PCDH15: variants seen among roughly 807,000 people sequenced by gnomAD.
PCDH15 encodes the protein protocadherin related 15, also known as protocadherin-15.
PCDH15 carries 129 observed loss-of-function variants against 178.5 expected under a neutral mutation model. That is an observed-to-expected ratio of 0.72 (90% CI 0.63 to 0.84). PCDH15 has a LOEUF of 0.84. Among genes scored for constraint, PCDH15 ranks in the 40% least tolerant of loss-of-function variants. The pLI, the probability that PCDH15 is intolerant of heterozygous loss-of-function variation, is 0.00. For missense variants in PCDH15, 2,230 were observed against 2,099.9 expected, an observed-to-expected ratio of 1.06 and a Z score of -1.21; for synonymous variants, 800 against 732.0, an observed-to-expected ratio of 1.09 and a Z score of -1.50.
At position 54,571,033 on chromosome 10, in the gene PCDH15, C is replaced by A. The variant is rs1053956613; in HGVS notation, c.92-43156G>T. On this transcript the variant is annotated intron_variant, in intron 2 of 37. Transcript: ENST00000644397. ...AGGTTTGACCTTGGATTGTGTGTAT[C>A]CAAAGTGAGGCAAAAGCCACCAGAA... Among the ~76,000 whole-genome samples the A allele has an allele frequency of 2.6e-5, 4 of 151,826 alleles. No homozygotes were observed. The East Asian group carries it at 7.8e-4, about 29-fold the overall frequency.
At chr10:55,254,209 A>G (rs1841925595) in intron 1 of PCDH15, among the ~76,000 whole-genome samples, 1 of 152,180 alleles carries the variant, frequency 6.6e-6, no homozygotes, top group Admixed American at 6.5e-5. Flanking sequence ...TATGTCTAAA[A>G]CCAATAGTTA....
intron 2 of PCDH15, among the ~76,000 whole-genome samples, chr10:55,384,083 G>A (rs1837598136): frequency 6.6e-6 from 1 of 152,110 alleles, no homozygotes; most frequent in Non-Finnish European, 1.5e-5. Context: ...ATGATGCATT[G>A]ACTTGTTTAC....
In PCDH15 at chr10:54,807,402, A is replaced by C. The variant is rs542979242; in HGVS notation, c.-29+90048T>G. 1.2e-3 allele frequency among the ~76,000 whole-genome samples: 186 copies of C among 152,270 alleles called. 1 individual carries two copies. Among genetic ancestry groups the C allele is most frequent in the African/African-American group, 4.3e-3 (178 of 41,578 alleles). On this transcript the variant is annotated intron_variant, in intron 3 of 5. Coordinates refer to the PCDH15 transcript ENST00000458638. ...TTGTGAAAAATATTTCCAAAAATAAACCAAAATAAGTATTAAAAGAATCTC... is the reference window on the plus strand; with the variant it reads ...TTGTGAAAAATATTTCCAAAAATAACCCAAAATAAGTATTAAAAGAATCTC...
chr10:54,208,923 T>A (rs892874439), intron 10 of PCDH15, among the ~76,000 whole-genome samples: 5 of 152,036 alleles, frequency 3.3e-5, no homozygotes, highest in Admixed American at 1.3e-4. Context: ...ATGGACCCTG[T>A]TCAACCTCAC....
At chr10:54,740,394 T>C (rs1944627127) in intron 1 of PCDH15, among the ~76,000 whole-genome samples, 3 of 151,502 alleles carry the variant, frequency 2.0e-5, no homozygotes, top group African/African-American at 7.3e-5. Flanking sequence ...GATGAGAATG[T>C]AGAAAAATGT....
chr10:55,314,132 T>A (rs372210528), intron 1 of PCDH15, among the ~76,000 whole-genome samples: 11 of 150,146 alleles, frequency 7.3e-5, no homozygotes, highest in African/African-American at 2.2e-4. Flanking sequence ...ATCTACTTTG[T>A]TCTATGTAGA....
chr10:55,278,513 C>T (rs1428316945), intron 1 of PCDH15, among the ~76,000 whole-genome samples: 1 of 152,062 alleles, frequency 6.6e-6, no homozygotes, highest in Non-Finnish European at 1.5e-5. Context: ...GCATGAGCCA[C>T]CACATCTGGC....
intron 2 of PCDH15, chr10:54,600,344 G>A (rs2092464916): frequency 1.9e-6 from 1 of 539,074 alleles, no homozygotes; most frequent in Non-Finnish European, 3.7e-6. Flanking sequence ...GCTGTCAATG[G>A]AGAGGTAGAA....
chr10:54,440,137 G>T (rs1393990686), intron 3 of PCDH15, among the ~76,000 whole-genome samples: 2 of 151,996 alleles, frequency 1.3e-5, no homozygotes, highest in African/African-American at 4.8e-5. Context: ...TTATAGATTA[G>T]CAACCAGATG....
At position 53,959,855 on chromosome 10, in the gene PCDH15, A is replaced by C. The variant is rs1192805572; in HGVS notation, c.3010-11T>G. 1.2e-6 allele frequency: 2 copies of C among 1,600,060 alleles called. No homozygotes were observed. Among genetic ancestry groups the C allele is most frequent in the Non-Finnish European group, 1.7e-6 (2 of 1,167,398 alleles). On this transcript the variant is annotated splice_polypyrimidine_tract_variant and intron_variant, in intron 22 of 37. Transcript: ENST00000644397. ...AGCAACCACCACCAACTTAAAAAGC[A>C]ATAAAAATTCATGTTAAAGATTATA...
intron 2 of PCDH15, among the ~76,000 whole-genome samples, chr10:55,018,130 C>T (rs984143999): frequency 1.3e-5 from 2 of 152,060 alleles, no homozygotes; most frequent in Non-Finnish European, 1.5e-5. Flanking sequence ...CAATTTTCAT[C>T]TACCCATTAA....
chr10:55,483,634 T>C (rs983343088), intron 2 of PCDH15, among the ~76,000 whole-genome samples: 1 of 151,622 alleles, frequency 6.6e-6, no homozygotes, highest in African/African-American at 2.4e-5. Context: ...ACCACATATA[T>C]ACCCAAAGGA....
At chr10:55,404,368 C>T (rs781751320) in intron 2 of PCDH15, among the ~76,000 whole-genome samples, 2 of 152,166 alleles carry the variant, frequency 1.3e-5, no homozygotes, top group East Asian at 1.9e-4. Flanking sequence ...TGATGGAAAA[C>T]GCTATTATCC....
intron 2 of PCDH15, among the ~76,000 whole-genome samples, chr10:55,434,943 A>T (rs1839004449): frequency 6.6e-6 from 1 of 152,188 alleles, no homozygotes; most frequent in Non-Finnish European, 1.5e-5. Flanking sequence ...TAATAGTCAA[A>T]AATCTAATTT....
chr10:53,888,551 G>C (rs527770022), intron 26 of PCDH15, among the ~76,000 whole-genome samples: 160 of 125,382 alleles, frequency 1.3e-3, no homozygotes, highest in Middle Eastern at 0.01. Context: ...GAGAACTTCA[G>C]TCGCTTCACA....
chr10:55,342,251 T>C (rs998245551), intron 2 of PCDH15, among the ~76,000 whole-genome samples: 2 of 151,868 alleles, frequency 1.3e-5, no homozygotes, highest in African/African-American at 4.8e-5. Context: ...ATAGGATTAA[T>C]ACAATTGGGA....
At chr10:54,702,987 C>T (rs2095326559) in intron 1 of PCDH15, among the ~76,000 whole-genome samples, 1 of 151,976 alleles carries the variant, frequency 6.6e-6, no homozygotes, top group African/African-American at 2.4e-5. Context: ...CAAACAAAAA[C>T]TAGCAAACCA....
chr10:55,041,741 T>A (rs1041924996), intron 2 of PCDH15, among the ~76,000 whole-genome samples: 5 of 152,296 alleles, frequency 3.3e-5, no homozygotes, highest in African/African-American at 1.2e-4. Context: ...TTGGGATTAA[T>A]TTTGTGGTGC....
chr10:54,731,564 A>ATATATG (rs1491229343), intron 1 of PCDH15, among the ~76,000 whole-genome samples: 3 of 43,348 alleles, frequency 6.9e-5, no homozygotes, highest in African/African-American at 1.8e-4. Flanking sequence ...ATATATATAT[A>ATATATG]CACACACACA....
Sources: allele counts gnomAD v4.1 joint callset (sites outside exome capture counted in the v4.1 genomes callset), GRCh38; gene constraint gnomAD v4.1.1; transcripts MANE v1.5; gene names NCBI Gene and HGNC (gene_info 2026-07-23, HGNC 2026-07-21).